The following SLA variants were observed in gnomAD, a reference collection of about 807,000 sequenced individuals.
The protein encoded by SLA is src-like-adapter.
In SLA, 16 loss-of-function variants were observed where a neutral mutation model predicts 30.3. The ratio of observed to expected loss-of-function variants is 0.53; its 90% CI spans 0.36 to 0.80. The LOEUF (loss-of-function observed/expected upper bound fraction) is 0.80. Ranked by LOEUF, SLA falls within the 30% of genes least tolerant of loss-of-function variation. The pLI is 0.01. For missense variants in SLA, 310 were observed against 345.2 expected (o/e 0.90, Z 0.81); for synonymous variants, 143 against 137.8 (o/e 1.04, Z -0.26).
chr8:133,098,695 C>T (rs1040819536), intron 1 of SLA, among the ~76,000 whole-genome samples: 1 of 152,144 alleles, frequency 6.6e-6, no homozygotes, highest in African/African-American at 2.4e-5. Flanking sequence ...GGGAGGAGGG[C>T]GGCCCTGTGG....
intron 1 of SLA, among the ~76,000 whole-genome samples, chr8:133,081,283 G>A (rs112827292): frequency 6.6e-6 from 1 of 152,240 alleles, no homozygotes; most frequent in African/African-American, 2.4e-5. Context: ...GATGTGATCC[G>A]TAACTATCCC....
At chr8:133,062,873 T>C (rs1474411509) in intron 2 of SLA, among the ~76,000 whole-genome samples, 17 of 151,664 alleles carry the variant, frequency 1.1e-4, no homozygotes, top group Admixed American at 1.1e-3. Flanking sequence ...AGGAAGCATG[T>C]GTGTGACATG....
chr8:133,054,815 C>G (rs984404181), intron 3 of SLA, among the ~76,000 whole-genome samples: 2 of 152,180 alleles, frequency 1.3e-5, no homozygotes, highest in Non-Finnish European at 2.9e-5. Context: ...GGGGAGGGAC[C>G]CAGGCAGGCC....
At chr8:133,056,427 C>T (rs2131287866) in intron 3 of SLA, among the ~76,000 whole-genome samples, 1 of 152,258 alleles carries the variant, frequency 6.6e-6, no homozygotes, top group Middle Eastern at 3.4e-3. Flanking sequence ...GTCATTAAAT[C>T]TGGGGGCCAG....
chr8:133,053,555 A>C (rs761404945), intron 3 of SLA, among the ~76,000 whole-genome samples: 3 of 152,182 alleles, frequency 2.0e-5, no homozygotes, highest in Non-Finnish European at 2.9e-5. Context: ...AAACGTGTTG[A>C]AATGGGGAGG....
chr8:133,071,673 G>A (rs1844063791), intron 2 of SLA, among the ~76,000 whole-genome samples: 1 of 152,042 alleles, frequency 6.6e-6, no homozygotes, highest in Non-Finnish European at 1.5e-5. Flanking sequence ...AGGCGCACCT[G>A]CAAACTGGAG....
intron 8 of SLA, among the ~76,000 whole-genome samples, chr8:133,039,728 T>C (rs1197278250): frequency 2.0e-5 from 3 of 152,200 alleles, no homozygotes; most frequent in Non-Finnish European, 4.4e-5. Flanking sequence ...GAATGTATAT[T>C]GCTAGCATAG....
intron 3 of SLA, among the ~76,000 whole-genome samples, chr8:133,051,980 G>A (rs920789725): frequency 2.0e-5 from 3 of 152,148 alleles, no homozygotes; most frequent in South Asian, 2.1e-4. Flanking sequence ...CTGCTTTCAC[G>A]GAGCTCATGT....
intron 8 of SLA, 37 bp downstream of exon 8, chr8:133,039,953 GCACACACA>G (rs3835182): frequency 1.4e-6 from 2 of 1,433,546 alleles, no homozygotes; most frequent in South Asian, 1.3e-5. Context: ...GCACTTGCAT[GCACACACA>G]CACACACACA....
chr8:133,069,975 G>T (rs2896692), intron 2 of SLA, among the ~76,000 whole-genome samples: 114,914 of 136,578 alleles, frequency 0.84, 48,564 homozygotes, highest in African/African-American at 0.94. Flanking sequence ...AACTTCAGTC[G>T]GGGTGACAGA....
At chr8:133,050,647 A>G in intron 4 of SLA, 169 bp downstream of exon 4, 1 of 597,836 alleles carries the variant, frequency 1.7e-6, no homozygotes, top group Non-Finnish European at 3.0e-6. Flanking sequence ...GTTCTAGAGC[A>G]CTGGCCACAT....
At chr8:133,067,414 T>C (rs947223881) in intron 2 of SLA, among the ~76,000 whole-genome samples, 1 of 152,118 alleles carries the variant, frequency 6.6e-6, no homozygotes, top group Non-Finnish European at 1.5e-5. Context: ...AGAGAGGACA[T>C]GCAACTCCTA....
chr8:133,059,073 G>A (rs1396899478), intron 3 of SLA: 5 of 456,328 alleles, frequency 1.1e-5, no homozygotes, highest in Non-Finnish European at 1.8e-5. Flanking sequence ...TGGAGGCAGC[G>A]CAGGAACCTG....
chr8:133,050,134 C>G, intron 4 of SLA, 146 bp from the exon 5 acceptor site: 2 of 668,756 alleles, frequency 3.0e-6, no homozygotes, highest in Non-Finnish European at 2.7e-6. Flanking sequence ...ACCCATATTT[C>G]GTCATCTGAA....
At chr8:133,045,371 G>C (rs947871771) in intron 6 of SLA, among the ~76,000 whole-genome samples, 3 of 149,942 alleles carry the variant, frequency 2.0e-5, no homozygotes, top group African/African-American at 7.4e-5. Flanking sequence ...CAGGAACACA[G>C]GTTTCATCCT....
rs1250074616 is a variant in SLA, at chr8:133,038,028, C to G, written c.*496G>C. On this transcript the variant is annotated 3_prime_UTR_variant, in exon 9 of 9. Coordinates refer to ENST00000338087, the MANE Select transcript of SLA (RefSeq NM_001045556.3). Reference sequence around the variant, plus strand: ...AGAGAGGAAAGCATACCAGAAGTCCCTATGGATTAGTTAAAGTAGTTCCAT... The same window carrying G: ...AGAGAGGAAAGCATACCAGAAGTCCGTATGGATTAGTTAAAGTAGTTCCAT... The G allele has an allele frequency of 6.3e-6, 1 of 158,342 alleles. No individual in the cohort carries two copies. The highest frequency in any genetic ancestry group is 6.1e-5 in the Admixed American group (1 of 16,370). The allele number at this position is 158,342 out of a possible 1,614,324, so 9.8% of individuals were successfully genotyped here. A position where few individuals can be genotyped will look rare whatever the true frequency, so the allele number is the denominator to read the frequency against.
intron 2 of SLA, among the ~76,000 whole-genome samples, chr8:133,065,797 A>T (rs1842954469): frequency 2.0e-5 from 3 of 151,886 alleles, no homozygotes; most frequent in South Asian, 4.1e-4. Flanking sequence ...AAAATAAAAT[A>T]AAAAAGTAAA....
chr8:133,085,619 TAGTC>T (rs779477912), intron 1 of SLA, among the ~76,000 whole-genome samples: 24 of 152,206 alleles, frequency 1.6e-4, no homozygotes, highest in Non-Finnish European at 4.4e-5. Context: ...TTAACACTAT[TAGTC>T]AGTCATCAGA....
intron 1 of SLA, among the ~76,000 whole-genome samples, chr8:133,078,625 C>T (rs1158158163): frequency 2.0e-5 from 3 of 152,218 alleles, no homozygotes; most frequent in African/African-American, 4.8e-5. Context: ...GTGTGCCAGA[C>T]GCTATGCATG....
Sources: gnomAD v4.1 joint callset for allele counts (sites outside exome capture counted in the v4.1 genomes callset) on GRCh38, gnomAD v4.1.1 for gene constraint, MANE v1.5 for transcripts, NCBI Gene and HGNC (gene_info 2026-07-23, HGNC 2026-07-21) for gene names.